RPH3AL: variants seen among roughly 807,000 people sequenced by gnomAD.
The protein encoded by RPH3AL is rab effector Noc2.
Under a neutral mutation model 43.1 loss-of-function variants are expected in RPH3AL, and 38 were observed. That is an observed-to-expected ratio of 0.88 (90% CI 0.68 to 1.15). RPH3AL has a LOEUF of 1.15. Among genes scored for constraint, RPH3AL ranks in the 50% most tolerant of loss-of-function variants. The probability of loss-of-function intolerance (pLI) is 0.00; values close to 1 mark genes in which losing one functional copy is unlikely to be tolerated. For missense variants in RPH3AL, 462 were observed against 423.2 expected, an observed-to-expected ratio of 1.09 and a Z score of -0.81; for synonymous variants, 189 against 176.3, an observed-to-expected ratio of 1.07 and a Z score of -0.57.
intron 7 of RPH3AL, among the ~76,000 whole-genome samples, chr17:236,267 G>A (rs984917366): frequency 2.6e-5 from 4 of 152,178 alleles, no homozygotes; most frequent in South Asian, 4.1e-4. Context: ...TCACTCCTCC[G>A]TCAGATGCAA....
intron 5 of RPH3AL, among the ~76,000 whole-genome samples, chr17:295,004 G>A (rs1353079494): frequency 2.4e-5 from 3 of 126,214 alleles, no homozygotes; most frequent in Non-Finnish European, 3.3e-5. Context: ...GGAAAGCAGA[G>A]GGAATGCACA....
At chr17:296,975 G>A (rs528513507) in intron 5 of RPH3AL, among the ~76,000 whole-genome samples, 69 of 152,302 alleles carry the variant, frequency 4.5e-4, no homozygotes, top group African/African-American at 1.4e-3. Flanking sequence ...AGGACAAACC[G>A]TAACACCGAT....
chr17:292,409 C>G (rs549252934), intron 5 of RPH3AL, among the ~76,000 whole-genome samples: 3 of 152,214 alleles, frequency 2.0e-5, no homozygotes, highest in African/African-American at 7.2e-5. Context: ...TATACTTTCT[C>G]GGGTACTTAT....
chr17:292,569 AC>A (rs1247229522), intron 5 of RPH3AL, among the ~76,000 whole-genome samples: 3 of 151,934 alleles, frequency 2.0e-5, no homozygotes, highest in Non-Finnish European at 2.9e-5. Context: ...TGGGATGCGA[AC>A]CCTGTTCAGT....
chr17:249,171 G>A (rs562913219), intron 6 of RPH3AL, among the ~76,000 whole-genome samples: 1 of 152,064 alleles, frequency 6.6e-6, no homozygotes. Flanking sequence ...ATAAATTCAG[G>A]GTATTTAGTC....
intron 7 of RPH3AL, among the ~76,000 whole-genome samples, chr17:237,011 T>C (rs11654890): frequency 0.27 from 40,748 of 152,092 alleles, 5,572 homozygotes; most frequent in African/African-American, 0.32. Context: ...GCTCTGAGCA[T>C]CAGCTGGGTT....
At chr17:313,140 T>C (rs1296587135) in intron 5 of RPH3AL, among the ~76,000 whole-genome samples, 1 of 151,998 alleles carries the variant, frequency 6.6e-6, no homozygotes, top group Non-Finnish European at 1.5e-5. Flanking sequence ...CTAATTCCTC[T>C]CCATCTGCTT....
chr17:236,002 T>G (rs543652780), intron 7 of RPH3AL, among the ~76,000 whole-genome samples: 2,435 of 91,318 alleles, frequency 0.027, 100 homozygotes, highest in Middle Eastern at 0.048. Flanking sequence ...GACGGGTCCA[T>G]GGGTCAAAGC....
chr17:292,976 G>C (rs1370812618), intron 5 of RPH3AL, among the ~76,000 whole-genome samples: 1 of 152,214 alleles, frequency 6.6e-6, no homozygotes, highest in African/African-American at 2.4e-5. Context: ...TCAGGAGGAA[G>C]GCAAGTCTCC....
chr17:219,767 C>G, intron 7 of RPH3AL, 31 bp from the exon 8 acceptor site: 1 of 1,545,420 alleles, frequency 6.5e-7, no homozygotes, highest in Non-Finnish European at 8.9e-7. Flanking sequence ...CACAGGAGGT[C>G]ACCCGACCAG....
chr17:243,356 T>C (rs373475548), intron 7 of RPH3AL, among the ~76,000 whole-genome samples: 19 of 133,562 alleles, frequency 1.4e-4, no homozygotes, highest in African/African-American at 1.9e-4. Context: ...CTGATTACCC[T>C]TCCTCTATTG....
At chr17:219,821 C>G (rs901283726) in intron 7 of RPH3AL, 85 bp from the exon 8 acceptor site, 2 of 968,634 alleles carry the variant, frequency 2.1e-6, no homozygotes, top group African/African-American at 1.6e-5. Flanking sequence ...GCAGGCCTCC[C>G]CAGCTCATTA....
chr17:350,241 C>G (rs1461912191), intron 1 of RPH3AL, among the ~76,000 whole-genome samples: 1 of 152,188 alleles, frequency 6.6e-6, no homozygotes, highest in Non-Finnish European at 1.5e-5. Flanking sequence ...AATCCTAGCA[C>G]TTTGGGAGGC....
chr17:265,578 C>A (rs2042301621), intron 6 of RPH3AL, among the ~76,000 whole-genome samples: 2 of 152,206 alleles, frequency 1.3e-5, no homozygotes, highest in South Asian at 4.1e-4. Context: ...TCTTCCCTCC[C>A]TTGTGCTCTG....
rs557162396 is a variant in RPH3AL, at chr17:321,257, C to T, written c.221+15G>A. The T allele has an allele frequency of 1.1e-4, 170 of 1,601,782 alleles. No homozygotes were observed. The highest frequency in any genetic ancestry group is 1.4e-4 in the Non-Finnish European group (162 of 1,178,078). ...TTGCTGTCCTCCCACTGAGCTGGCC[C>T]CGGCCCCGCCTCACCCGATTCTCTG... On this transcript the variant is annotated intron_variant, in intron 4 of 9. Coordinates refer to ENST00000331302, the MANE Select transcript of RPH3AL (RefSeq NM_006987.4).
chr17:227,858 A>C (rs772339584), intron 7 of RPH3AL, among the ~76,000 whole-genome samples: 3 of 152,150 alleles, frequency 2.0e-5, no homozygotes, highest in Non-Finnish European at 4.4e-5. Flanking sequence ...AGATGGTGGA[A>C]AATTTTGCAT....
At chr17:315,829 C>T (rs548704854) in intron 5 of RPH3AL, among the ~76,000 whole-genome samples, 6,298 of 143,736 alleles carry the variant, frequency 0.044, 6 homozygotes, top group African/African-American at 0.11. Context: ...GACCTGTAGT[C>T]CCTGTGCCCC....
At chr17:326,162 G>A (rs1257595421) in intron 3 of RPH3AL, among the ~76,000 whole-genome samples, 1 of 152,232 alleles carries the variant, frequency 6.6e-6, no homozygotes. Context: ...GAGACGGACC[G>A]ACCTCACCCA....
chr17:227,330 G>C (rs143928638), intron 7 of RPH3AL, among the ~76,000 whole-genome samples: 13 of 147,558 alleles, frequency 8.8e-5, no homozygotes, highest in South Asian at 6.4e-4. Flanking sequence ...TACACGGAGC[G>C]GGGGGAAGAG....
Sources: gnomAD v4.1 joint callset for allele counts (sites outside exome capture counted in the v4.1 genomes callset) on GRCh38, gnomAD v4.1.1 for gene constraint, MANE v1.5 for transcripts, NCBI Gene and HGNC (gene_info 2026-07-23, HGNC 2026-07-21) for gene names.